The following COBL variants were observed in gnomAD, a reference collection of about 807,000 sequenced individuals.
COBL encodes the protein cordon-bleu WH2 repeat protein.
In COBL, 51 loss-of-function variants were observed where a neutral mutation model predicts 98.8. The ratio of observed to expected loss-of-function variants is 0.52; its 90% CI spans 0.41 to 0.65. COBL has a LOEUF of 0.65. Among genes scored for constraint, COBL ranks in the 30% least tolerant of loss-of-function variants. The pLI is 0.00. For missense variants in COBL, 1,617 were observed against 1,617.5 expected (o/e 1.00, Z 0.01); for synonymous variants, 634 against 651.7 (o/e 0.97, Z 0.41).
At chr7:51,151,098 C>T (rs572890646) in intron 5 of COBL, among the ~76,000 whole-genome samples, 2 of 152,260 alleles carry the variant, frequency 1.3e-5, no homozygotes, top group African/African-American at 4.8e-5. Context: ...AAACACAGCT[C>T]TTTCAGATGT....
At chr7:51,259,966 T>C (rs2129146912) in intron 1 of COBL, 1 of 752,376 alleles carries the variant, frequency 1.3e-6, no homozygotes, top group Non-Finnish European at 2.4e-6. Flanking sequence ...TCATCTGAGA[T>C]GCATCTTGTC....
intron 5 of COBL, among the ~76,000 whole-genome samples, chr7:51,139,718 T>C (rs1799558523): frequency 6.6e-6 from 1 of 152,222 alleles, no homozygotes; most frequent in Admixed American, 6.5e-5. Context: ...ACTTTTGGAA[T>C]TTGTGCGCAG....
chr7:51,099,712 T>C (rs2128961021), intron 6 of COBL, among the ~76,000 whole-genome samples: 1 of 151,612 alleles, frequency 6.6e-6, no homozygotes, highest in African/African-American at 2.4e-5. Context: ...AGATTATACA[T>C]TTCATGCTAT....
At chr7:51,124,162 G>C (rs1304077105) in intron 6 of COBL, among the ~76,000 whole-genome samples, 1 of 152,190 alleles carries the variant, frequency 6.6e-6, no homozygotes, top group Non-Finnish European at 1.5e-5. Flanking sequence ...GAACTGAACT[G>C]TTGCTGGGTC....
At chr7:51,308,873 G>C (rs1802740072) in intron 1 of COBL, among the ~76,000 whole-genome samples, 1 of 152,174 alleles carries the variant, frequency 6.6e-6, no homozygotes, top group South Asian at 2.1e-4. Context: ...GCAAAGTCCT[G>C]TTTACCACTG....
At chr7:51,221,821 T>A (rs1089285) in intron 1 of COBL, among the ~76,000 whole-genome samples, 1 of 152,226 alleles carries the variant, frequency 6.6e-6, no homozygotes, top group Admixed American at 6.5e-5. Flanking sequence ...CAAAAGTGAT[T>A]AGATGAGGCT....
chr7:51,090,795 G>A (rs1794739215), intron 6 of COBL, among the ~76,000 whole-genome samples: 1 of 152,178 alleles, frequency 6.6e-6, no homozygotes, highest in African/African-American at 2.4e-5. Flanking sequence ...CAGTTGACCA[G>A]GAATACAGAC....
At chr7:51,165,381 G>A (rs932785912) in intron 5 of COBL, among the ~76,000 whole-genome samples, 11 of 152,106 alleles carry the variant, frequency 7.2e-5, no homozygotes, top group African/African-American at 2.6e-4. Context: ...AAGTCATTAT[G>A]TAATGATAAA....
chr7:51,172,667 A>G (rs10236935), intron 5 of COBL: 27,770 of 343,692 alleles, frequency 0.081, 1,515 homozygotes, highest in African/African-American at 0.17. Context: ...TGTAATCTTT[A>G]CCACTTCTGC....
chr7:51,084,868 C>T (rs1366344672), intron 7 of COBL, among the ~76,000 whole-genome samples: 1 of 152,146 alleles, frequency 6.6e-6, no homozygotes, highest in Admixed American at 6.5e-5. Flanking sequence ...CAGAGACACA[C>T]GTCGCACACT....
intron 2 of COBL, among the ~76,000 whole-genome samples, chr7:51,206,559 T>G (rs368956958): frequency 2.0e-5 from 3 of 151,918 alleles, no homozygotes; most frequent in South Asian, 4.1e-4. Context: ...CCATATCTAT[T>G]GCAGCGCTAT....
intron 7 of COBL, among the ~76,000 whole-genome samples, chr7:51,046,634 T>C (rs925981225): frequency 6.6e-6 from 1 of 152,168 alleles, no homozygotes; most frequent in African/African-American, 2.4e-5. Context: ...ACTTTTTTTT[T>C]CTTCATCAAT....
chr7:51,070,499 G>T (rs1792430902), intron 7 of COBL, among the ~76,000 whole-genome samples: 1 of 151,744 alleles, frequency 6.6e-6, no homozygotes, highest in Non-Finnish European at 1.5e-5. Context: ...TCTGTAATTG[G>T]TTATGATGAC....
intron 1 of COBL, among the ~76,000 whole-genome samples, chr7:51,249,071 C>A (rs1054384145): frequency 6.6e-6 from 1 of 152,010 alleles, no homozygotes; most frequent in African/African-American, 2.4e-5. Context: ...TGCATATATA[C>A]CTATTAAATA....
At chr7:51,139,873 C>G (rs1242227950) in intron 5 of COBL, among the ~76,000 whole-genome samples, 1 of 152,122 alleles carries the variant, frequency 6.6e-6, no homozygotes, top group Non-Finnish European at 1.5e-5. Context: ...ACAGCTTGGC[C>G]CCCCCTATTA....
chr7:51,129,491 G>A (rs1407960877), intron 6 of COBL, among the ~76,000 whole-genome samples: 1 of 147,440 alleles, frequency 6.8e-6, no homozygotes, highest in Non-Finnish European at 1.5e-5. Flanking sequence ...ACCCACACAT[G>A]TTTGGTAAAT....
chr7:51,084,015 C>G (rs980790136), intron 7 of COBL, among the ~76,000 whole-genome samples: 1 of 152,106 alleles, frequency 6.6e-6, no homozygotes, highest in Non-Finnish European at 1.5e-5. Context: ...CTTCACGAAA[C>G]AGGAGAAAAC....
chr7:51,280,436 A>T (rs1242624970), intron 1 of COBL, among the ~76,000 whole-genome samples: 1 of 152,204 alleles, frequency 6.6e-6, no homozygotes, highest in African/African-American at 2.4e-5. Flanking sequence ...CTTCAAACAC[A>T]AAAAGAGGAA....
intron 5 of COBL, among the ~76,000 whole-genome samples, chr7:51,148,077 G>A (rs547719086): frequency 3.3e-5 from 5 of 152,088 alleles, no homozygotes; most frequent in African/African-American, 4.8e-5. Flanking sequence ...GATTTATTAC[G>A]GCTAGCAGAT....
Sources: gnomAD v4.1 joint callset for allele counts (sites outside exome capture counted in the v4.1 genomes callset) on GRCh38, gnomAD v4.1.1 for gene constraint, MANE v1.5 for transcripts, NCBI Gene and HGNC (gene_info 2026-07-23, HGNC 2026-07-21) for gene names.